The following POLD3 variants were observed in gnomAD, a reference collection of about 807,000 sequenced individuals.
POLD3 encodes DNA polymerase delta 3, accessory subunit, also known as DNA polymerase delta subunit 3.
A neutral mutation model predicts 58.2 loss-of-function variants in POLD3; 19 were observed. That is an observed-to-expected ratio of 0.33 (90% CI 0.23 to 0.48). The LOEUF (loss-of-function observed/expected upper bound fraction) is 0.48. POLD3 is among the 20% of genes least tolerant of loss of function. POLD3 has a pLI of 0.99. For missense variants in POLD3, 504 were observed against 545.5 expected, an observed-to-expected ratio of 0.92 and a Z score of 0.76; for synonymous variants, 172 against 193.5, an observed-to-expected ratio of 0.89 and a Z score of 0.92.
Position 74,604,764 on chromosome 11 carries a change from G to A in POLD3, c.189G>A (p.Val63=). Residue 63 remains valine (V), a synonymous_variant, in exon 3 of 12, where the codon GTG becomes GTA. Coordinates refer to ENST00000263681, the MANE Select transcript of POLD3 (RefSeq NM_006591.3). ...SGAQLHVTYL[V]SGSLIQNGHS... is the part of the protein sequence containing the mutation. ...CCCAACTGCATGTTACCTACTTGGT[G>A]TCTGGCAGTCTCATTCAGAATGGAC... 1 of 1,605,766 alleles carries A rather than the reference G, an allele frequency of 6.2e-7. No homozygotes were observed. The highest frequency in any genetic ancestry group is 8.5e-7 in the Non-Finnish European group (1 of 1,172,396).
chr11:74,598,320 A>C (rs781479448), intron 2 of POLD3, among the ~76,000 whole-genome samples: 2 of 152,164 alleles, frequency 1.3e-5, no homozygotes, highest in African/African-American at 2.4e-5. Flanking sequence ...TTATCCCAGC[A>C]TTTTATAATT....
At chr11:74,600,321 A>G (rs2135118362) in intron 2 of POLD3, among the ~76,000 whole-genome samples, 1 of 152,244 alleles carries the variant, frequency 6.6e-6, no homozygotes, top group Non-Finnish European at 1.5e-5. Flanking sequence ...GCGGTGACTA[A>G]TGCCTGTAAT....
At chr11:74,596,485 C>T (rs1281606091) in intron 2 of POLD3, among the ~76,000 whole-genome samples, 1 of 152,022 alleles carries the variant, frequency 6.6e-6, no homozygotes, top group Non-Finnish European at 1.5e-5. Context: ...CGTGCCAAGC[C>T]AAGATTTTTT....
chr11:74,633,677 A>G lies in POLD3; in HGVS notation c.1007-906A>G, dbSNP rs180767187. Among the ~76,000 whole-genome samples the G allele has an allele frequency of 2.8e-3, 422 of 152,292 alleles. 1 individual carries two copies. Among genetic ancestry groups the G allele is most frequent in the South Asian group, 8.3e-3 (40 of 4,826 alleles). On this transcript the variant is annotated intron_variant, in intron 9 of 11. Coordinates refer to ENST00000263681, the MANE Select transcript of POLD3 (RefSeq NM_006591.3). ...CTTCCCCTCTCATGGGCTGTTTACTAAGACCACCAATTCTGCAATTGTTGA... is the reference window on the plus strand; with the variant it reads ...CTTCCCCTCTCATGGGCTGTTTACTGAGACCACCAATTCTGCAATTGTTGA...
intron 7 of POLD3, among the ~76,000 whole-genome samples, chr11:74,621,094 A>C (rs2032238339): frequency 6.6e-6 from 1 of 152,196 alleles, no homozygotes; most frequent in African/African-American, 2.4e-5. Context: ...GTATTACTGC[A>C]GGCACAGTTG....
Position 74,654,892 on chromosome 11 carries a change from A to G in POLD3, c.370-13885A>G, listed in dbSNP as rs529425650. 1.8e-4 allele frequency among the ~76,000 whole-genome samples: 27 copies of G among 152,376 alleles called. No homozygotes were observed. The South Asian group carries it at 5.4e-3, about 30-fold the overall frequency. ...TGAAGTTGAGGTCCTGGTTGGAGCA[A>G]GCAAGGGACCAGGGAGATAATGGGA... On this transcript the variant is annotated intron_variant, in intron 4 of 4. Coordinates refer to the POLD3 transcript ENST00000524752.
At chr11:74,654,089 C>G (rs2033102774) in intron 4 of POLD3, among the ~76,000 whole-genome samples, 1 of 152,122 alleles carries the variant, frequency 6.6e-6, no homozygotes, top group Admixed American at 6.5e-5. Flanking sequence ...ATGAGTGATC[C>G]CCCCAGATGA....
At chr11:74,654,086 AT>A (rs1293670374) in intron 4 of POLD3, among the ~76,000 whole-genome samples, 1 of 152,144 alleles carries the variant, frequency 6.6e-6, no homozygotes, top group Non-Finnish European at 1.5e-5. Context: ...ACCATGAGTG[AT>A]CCCCCCAGAT....
intron 4 of POLD3, among the ~76,000 whole-genome samples, chr11:74,667,960 C>T (rs535585216): frequency 2.6e-5 from 4 of 152,312 alleles, no homozygotes; most frequent in Admixed American, 6.5e-5. Flanking sequence ...AACATCAAAA[C>T]ATCAACGTCG....
chr11:74,650,800 G>C (rs575133342), intron 4 of POLD3, among the ~76,000 whole-genome samples: 2 of 152,234 alleles, frequency 1.3e-5, no homozygotes, highest in East Asian at 1.9e-4. Context: ...GGCTGGGCTG[G>C]CTAGTGCCAT....
intron 4 of POLD3, among the ~76,000 whole-genome samples, chr11:74,656,340 C>G (rs7129804): frequency 0.55 from 83,423 of 151,844 alleles, 23,428 homozygotes; most frequent in Non-Finnish European, 0.61. Context: ...TGTAATCCCG[C>G]CACTTTGGGA....
At chr11:74,636,799 A>T (rs565649791) in intron 11 of POLD3, among the ~76,000 whole-genome samples, 1 of 152,246 alleles carries the variant, frequency 6.6e-6, no homozygotes, top group South Asian at 2.1e-4. Context: ...ACTCATCGAG[A>T]TTGCTTCCTT....
chr11:74,595,954 A>G (rs1295428539), intron 2 of POLD3, among the ~76,000 whole-genome samples: 2 of 150,930 alleles, frequency 1.3e-5, no homozygotes, highest in East Asian at 3.9e-4. Context: ...ATGAAGTCCA[A>G]TTTATTTATT....
Position 74,627,574 on chromosome 11 carries a change from C to T in POLD3, c.900-1643C>T, listed in dbSNP as rs371350690. 1.7e-4 allele frequency among the ~76,000 whole-genome samples: 26 copies of T among 152,292 alleles called. No homozygotes were observed. In the East Asian group the frequency reaches 2.1e-3, roughly 12 times the overall value. On this transcript the variant is annotated intron_variant, in intron 8 of 11. Transcript: ENST00000263681. ...GCCTTCACATTTCACTCACCGCTCA[C>T]TCACTGACTCAGCCAGAGCAACTTT... is the stretch of plus-strand genomic sequence containing the variant.
chr11:74,607,455 G>T (rs541710216), intron 3 of POLD3, among the ~76,000 whole-genome samples: 5 of 150,674 alleles, frequency 3.3e-5, no homozygotes, highest in Admixed American at 6.6e-5. Flanking sequence ...TTTTAGTAGA[G>T]ACGGGTTTCA....
At chr11:74,647,397 C>T (rs1266184672), downstream of POLD3, among the ~76,000 whole-genome samples, 1 of 125,552 alleles carries the variant, frequency 8.0e-6, no homozygotes, top group East Asian at 2.2e-4. Flanking sequence ...ACTTCATCCT[C>T]ATGATAACCT....
At chr11:74,613,121 T>A in intron 5 of POLD3, 111 bp downstream of exon 5, 1 of 932,976 alleles carries the variant, frequency 1.1e-6, no homozygotes, top group East Asian at 2.5e-5. Flanking sequence ...ACCCCATTTA[T>A]CTTGCAGTAA....
intron 4 of POLD3, among the ~76,000 whole-genome samples, chr11:74,648,245 A>T (rs1250994931): frequency 1.3e-5 from 2 of 152,164 alleles, no homozygotes; most frequent in Admixed American, 1.3e-4. Flanking sequence ...TGCAGCTTGT[A>T]TCTCCACTTA....
At position 74,610,629 on chromosome 11, in the gene POLD3, T is replaced by TA. The variant is rs1338709369; in HGVS notation, c.220-869dup. On this transcript the variant is annotated intron_variant, in intron 3 of 11. Coordinates refer to ENST00000263681, the MANE Select transcript of POLD3 (RefSeq NM_006591.3). ...CCGCTTTATCATTTGTTTTTGTACT[T>TA]ACGTTTTTTTTTCATTTAAAAGTTG... Among the ~76,000 whole-genome samples the TA allele has an allele frequency of 4.7e-5, 7 of 149,138 alleles. No homozygotes were observed. The South Asian group carries it at 1.5e-3, about 31-fold the overall frequency.
Sources: allele counts gnomAD v4.1 joint callset (sites outside exome capture counted in the v4.1 genomes callset), GRCh38; gene constraint gnomAD v4.1.1; transcripts MANE v1.5; gene names NCBI Gene and HGNC (gene_info 2026-07-23, HGNC 2026-07-21).